The following EPHA3 variants were observed in gnomAD, a reference collection of about 807,000 sequenced individuals.
EPHA3 encodes the protein EPH receptor A3.
A neutral mutation model predicts 107.1 loss-of-function variants in EPHA3; 42 were observed. The ratio of observed to expected loss-of-function variants is 0.39; its 90% CI spans 0.31 to 0.51. The LOEUF is 0.51. EPHA3 is among the 20% of genes least tolerant of loss of function. EPHA3 has a pLI of 0.78. For missense variants in EPHA3, 1,183 were observed against 1,211.2 expected, an observed-to-expected ratio of 0.98 and a Z score of 0.35; for synonymous variants, 461 against 424.8, an observed-to-expected ratio of 1.09 and a Z score of -1.05.
chr3:89,300,980 A>C (rs995355852), intron 3 of EPHA3, among the ~76,000 whole-genome samples: 13 of 152,130 alleles, frequency 8.5e-5, no homozygotes, highest in African/African-American at 2.9e-4. Flanking sequence ...AGATGTCTTC[A>C]GCACTTTTGT....
intron 2 of EPHA3, among the ~76,000 whole-genome samples, chr3:89,172,813 T>A (rs1477749434): frequency 6.6e-6 from 1 of 152,124 alleles, no homozygotes; most frequent in Admixed American, 6.6e-5. Context: ...GTCATAGGTA[T>A]AGAATTGTCA....
intron 1 of EPHA3, among the ~76,000 whole-genome samples, chr3:89,122,341 A>G (rs1707410196): frequency 6.6e-6 from 1 of 152,210 alleles, no homozygotes; most frequent in Admixed American, 6.5e-5. Flanking sequence ...TTGGCTATAA[A>G]AGTCCCTTAT....
chr3:89,461,209 C>A (rs1395545202), intron 15 of EPHA3, among the ~76,000 whole-genome samples: 7 of 106,922 alleles, frequency 6.5e-5, no homozygotes, highest in African/African-American at 3.1e-4. Flanking sequence ...GCCACATTTT[C>A]TTAATCCAGT....
chr3:89,331,898 T>C (rs180774245), intron 3 of EPHA3, among the ~76,000 whole-genome samples: 4 of 152,242 alleles, frequency 2.6e-5, no homozygotes, highest in African/African-American at 9.6e-5. Flanking sequence ...GCTGTTCTGA[T>C]ATTTAACAAA....
chr3:89,442,178 A>C (rs754820591), intron 13 of EPHA3, among the ~76,000 whole-genome samples: 1 of 152,204 alleles, frequency 6.6e-6, no homozygotes, highest in Admixed American at 6.5e-5. Flanking sequence ...AAAAAAGAAG[A>C]AAGGAGAAAA....
In EPHA3 at chr3:89,399,354, A is replaced by G. The variant is rs771749213; in HGVS notation, c.1468A>G (p.Arg490Gly). Residue 490 changes from arginine (R) to glycine (G), a missense_variant, in exon 7 of 17, where the codon AGA becomes GGA. Transcript: ENST00000336596. ...QETSYTILRA[R>G]GTNVTISSLK... ...AACAAGTTATACCATTCTGAGGGCA[A>G]GAGGCACAAATGTTACCATCAGTAG... 3 of 1,613,582 alleles carry G rather than the reference A, an allele frequency of 1.9e-6. No individual in the cohort carries two copies. The highest frequency in any genetic ancestry group is 2.5e-6 in the Non-Finnish European group (3 of 1,179,634).
chr3:89,268,000 G>A (rs1043280232), intron 3 of EPHA3, among the ~76,000 whole-genome samples: 2 of 152,076 alleles, frequency 1.3e-5, no homozygotes, highest in Non-Finnish European at 2.9e-5. Flanking sequence ...ATTTCACATT[G>A]ACCTTCAGTA....
In EPHA3 at chr3:89,439,418, A is replaced by G. The variant is rs560482396; in HGVS notation, c.2346+8059A>G. Among the ~76,000 whole-genome samples the G allele has an allele frequency of 8.3e-4, 127 of 152,240 alleles. 1 individual carries two copies. The highest frequency in any genetic ancestry group is 1.5e-3 in the Non-Finnish European group (105 of 68,010). ...GGCTGCAGTGAGCCTTGATTATGCC[A>G]TTGCACTTTAGGCTGGGGCAACAGA... On this transcript the variant is annotated intron_variant, in intron 13 of 16. Coordinates refer to ENST00000336596, the MANE Select transcript of EPHA3 (RefSeq NM_005233.6).
intron 5 of EPHA3, among the ~76,000 whole-genome samples, chr3:89,356,665 T>A (rs919734446): frequency 6.6e-6 from 1 of 151,222 alleles, no homozygotes; most frequent in African/African-American, 2.4e-5. Flanking sequence ...GTTGCACACA[T>A]ATACATATGT....
intron 1 of EPHA3, among the ~76,000 whole-genome samples, chr3:89,113,746 G>T (rs938744759): frequency 2.8e-5 from 3 of 105,700 alleles, no homozygotes; most frequent in East Asian, 2.5e-4. Context: ...GGTGGGGGGG[G>T]GCTGCATTTC....
At chr3:89,241,781 A>G (rs796213277) in intron 3 of EPHA3, among the ~76,000 whole-genome samples, 33 of 152,284 alleles carry the variant, frequency 2.2e-4, no homozygotes, top group African/African-American at 7.7e-4. Flanking sequence ...TTGGAACACA[A>G]CTAAATTAAA....
intron 3 of EPHA3, among the ~76,000 whole-genome samples, chr3:89,259,444 T>C (rs1053268814): frequency 1.3e-5 from 2 of 152,248 alleles, no homozygotes; most frequent in Non-Finnish European, 2.9e-5. Context: ...TGCTAGGCGT[T>C]CACTAAATAA....
chr3:89,200,553 C>G (rs1322604834), intron 2 of EPHA3, among the ~76,000 whole-genome samples: 1 of 152,184 alleles, frequency 6.6e-6, no homozygotes, highest in Non-Finnish European at 1.5e-5. Flanking sequence ...CAGTCCAGAG[C>G]TAACCATGCA....
intron 15 of EPHA3, among the ~76,000 whole-genome samples, chr3:89,456,537 T>C (rs1169895249): frequency 1.3e-5 from 2 of 152,202 alleles, no homozygotes; most frequent in East Asian, 3.9e-4. Flanking sequence ...TTATAATGCA[T>C]CATTTCACTT....
At chr3:89,311,689 G>A (rs1706769616) in intron 3 of EPHA3, among the ~76,000 whole-genome samples, 1 of 152,030 alleles carries the variant, frequency 6.6e-6, no homozygotes. Flanking sequence ...TTCTGGCTTA[G>A]TGAATAGGGA....
intron 3 of EPHA3, among the ~76,000 whole-genome samples, chr3:89,326,212 C>G (rs965114375): frequency 1.3e-5 from 2 of 151,962 alleles, no homozygotes; most frequent in East Asian, 3.9e-4. Flanking sequence ...CATGGATGCT[C>G]AAGTCCCTTG....
chr3:89,363,706 A>G (rs1708139084), intron 5 of EPHA3, among the ~76,000 whole-genome samples: 1 of 150,672 alleles, frequency 6.6e-6, no homozygotes, highest in Non-Finnish European at 1.5e-5. Flanking sequence ...GTGCATGCAC[A>G]TGATTGCTGT....
chr3:89,415,832 C>A (rs1709236645), intron 10 of EPHA3, among the ~76,000 whole-genome samples: 4 of 151,340 alleles, frequency 2.6e-5, no homozygotes, highest in Non-Finnish European at 5.9e-5. Flanking sequence ...ATCTCCATTT[C>A]AGCACGTGAA....
chr3:89,217,317 G>A (rs1704243736), intron 3 of EPHA3, among the ~76,000 whole-genome samples: 2 of 152,006 alleles, frequency 1.3e-5, no homozygotes. Flanking sequence ...TCATCTTCCA[G>A]TATGCGGACA....
Sources: allele counts gnomAD v4.1 joint callset (sites outside exome capture counted in the v4.1 genomes callset), GRCh38; gene constraint gnomAD v4.1.1; transcripts MANE v1.5; gene names NCBI Gene and HGNC (gene_info 2026-07-23, HGNC 2026-07-21).